The following SCAI variants were observed in gnomAD, a reference collection of about 807,000 sequenced individuals.
SCAI encodes the protein suppressor of cancer cell invasion.
Under a neutral mutation model 92.2 loss-of-function variants are expected in SCAI, and 24 were observed. That is an observed-to-expected ratio of 0.26 (90% CI 0.19 to 0.37). SCAI has a LOEUF of 0.37. Among genes scored for constraint, SCAI ranks in the 10% least tolerant of loss-of-function variants. The pLI is 1.00. For missense variants in SCAI, 450 were observed against 736.2 expected (o/e 0.61, Z 4.50); for synonymous variants, 261 against 258.6 (o/e 1.01, Z -0.09).
In SCAI at chr9:125,056,037, G is replaced by A. The variant is rs761931640; in HGVS notation, c.99-30C>T. ...AAGAAAACATATGTTCATTCATGCA[G>A]GAGGTAAAAATAAAAATAGAAAAAA... is the stretch of plus-strand genomic sequence containing the variant. On this transcript the variant is annotated intron_variant, in intron 2 of 17. Coordinates refer to ENST00000336505, the MANE Select transcript of SCAI (RefSeq NM_001144877.3). 4.5e-6 allele frequency: 7 copies of A among 1,541,626 alleles called. No individual in the cohort carries two copies. The Admixed American group carries it at 1.3e-4, about 28-fold the overall frequency.
At chr9:124,971,494 G>A (rs768416623) in intron 16 of SCAI, 24 bp from the exon 17 acceptor site, 2 of 1,543,118 alleles carry the variant, frequency 1.3e-6, no homozygotes, top group South Asian at 1.2e-5. Flanking sequence ...AAAAGTGACA[G>A]TAAAAAGATG....
chr9:125,073,356 G>A (rs1007713793), intron 2 of SCAI, among the ~76,000 whole-genome samples: 3 of 151,478 alleles, frequency 2.0e-5, no homozygotes, highest in Admixed American at 6.6e-5. Flanking sequence ...CACCCGCCTC[G>A]GCCTCCCAAA....
At chr9:125,092,388 G>T (rs1275160921) in intron 2 of SCAI, among the ~76,000 whole-genome samples, 2 of 151,980 alleles carry the variant, frequency 1.3e-5, no homozygotes, top group African/African-American at 4.8e-5. Context: ...AGGAGTCGGA[G>T]GCTACAGTGA....
At chr9:124,985,828 A>C (rs1831978928) in intron 14 of SCAI, among the ~76,000 whole-genome samples, 1 of 150,502 alleles carries the variant, frequency 6.6e-6, no homozygotes, top group Non-Finnish European at 1.5e-5. Flanking sequence ...GCACCATTGC[A>C]CTCCAGCCTG....
chr9:125,080,854 C>T (rs565740474), intron 2 of SCAI, among the ~76,000 whole-genome samples: 1 of 152,196 alleles, frequency 6.6e-6, no homozygotes, highest in African/African-American at 2.4e-5. Flanking sequence ...CTTGAATTCC[C>T]ACGTGTTGTG....
At chr9:125,107,018 A>C (rs980544879) in intron 2 of SCAI, among the ~76,000 whole-genome samples, 8 of 151,846 alleles carry the variant, frequency 5.3e-5, no homozygotes, top group Non-Finnish European at 8.8e-5. Context: ...CCTGGCCTTG[A>C]GTTATTTTTC....
At chr9:125,066,499 A>T (rs919694460) in intron 2 of SCAI, among the ~76,000 whole-genome samples, 6 of 150,030 alleles carry the variant, frequency 4.0e-5, no homozygotes, top group Non-Finnish European at 5.9e-5. Flanking sequence ...TCTATCTCCC[A>T]GGCTGGAGTG....
rs1014647117 is a variant in SCAI, at chr9:125,118,192, C to A, written c.98+24441G>T. 1.8e-4 allele frequency among the ~76,000 whole-genome samples: 27 copies of A among 152,162 alleles called. 1 individual carries two copies. In the South Asian group the frequency reaches 3.7e-3, roughly 21 times the overall value. On this transcript the variant is annotated intron_variant, in intron 2 of 17. Transcript: ENST00000336505. ...GTAAAATATTAATACATTTAAAAGGCTTGTTAAAAAATAAACATAGTGGAG... is the reference window on the plus strand; with the variant it reads ...GTAAAATATTAATACATTTAAAAGGATTGTTAAAAAATAAACATAGTGGAG...
chr9:125,132,020 G>A (rs1835411358), intron 2 of SCAI, among the ~76,000 whole-genome samples: 1 of 152,000 alleles, frequency 6.6e-6, no homozygotes, highest in Non-Finnish European at 1.5e-5. Context: ...AAGCAGTTTG[G>A]TCTATTTTTA....
In SCAI at chr9:125,136,671, G is replaced by A. The variant is rs1016511313; in HGVS notation, c.98+5962C>T. On this transcript the variant is annotated intron_variant, in intron 2 of 17. Transcript: ENST00000336505. ...AGACGGGGTTTCGCTACATTGGCCA[G>A]ACTGGTCTCAAACTCCTGACCTCGT... 9.9e-5 allele frequency among the ~76,000 whole-genome samples: 15 copies of A among 151,736 alleles called. No homozygotes were observed. The East Asian group carries it at 2.1e-3, about 22-fold the overall frequency.
At chr9:124,958,139 G>A (rs1332625382) in intron 17 of SCAI, among the ~76,000 whole-genome samples, 1 of 152,088 alleles carries the variant, frequency 6.6e-6, no homozygotes, top group Non-Finnish European at 1.5e-5. Flanking sequence ...TTGACTGGAA[G>A]GTTCAATATT....
intron 3 of SCAI, among the ~76,000 whole-genome samples, chr9:125,034,877 CT>C (rs1363969619): frequency 6.6e-6 from 1 of 152,160 alleles, no homozygotes; most frequent in African/African-American, 2.4e-5. Flanking sequence ...CAACTCCTGG[CT>C]TTGCTATGTA....
At chr9:124,964,593 A>G (rs925051672) in intron 17 of SCAI, among the ~76,000 whole-genome samples, 4 of 152,202 alleles carry the variant, frequency 2.6e-5, no homozygotes, top group African/African-American at 9.6e-5. Context: ...AATGAACCTT[A>G]AAGGTCCTTA....
chr9:124,978,931 G>A (rs965873527), intron 14 of SCAI, among the ~76,000 whole-genome samples: 1 of 151,880 alleles, frequency 6.6e-6, no homozygotes, highest in Non-Finnish European at 1.5e-5. Context: ...CCACCTCTCA[G>A]CTCACTGTAA....
At chr9:125,065,099 G>A (rs922080652) in intron 2 of SCAI, among the ~76,000 whole-genome samples, 1 of 151,864 alleles carries the variant, frequency 6.6e-6, no homozygotes, top group Non-Finnish European at 1.5e-5. Flanking sequence ...AGAAAATAGA[G>A]GGCAATAAAT....
intron 14 of SCAI, among the ~76,000 whole-genome samples, chr9:124,994,138 G>A (rs544736835): frequency 6.6e-6 from 1 of 151,022 alleles, no homozygotes; most frequent in Middle Eastern, 3.4e-3. Context: ...AGGTTCAAGT[G>A]AGTCTCCCGC....
intron 17 of SCAI, among the ~76,000 whole-genome samples, chr9:124,964,496 T>G (rs148963969): frequency 6.6e-6 from 1 of 152,210 alleles, no homozygotes; most frequent in Admixed American, 6.5e-5. Flanking sequence ...ATGATGGCAT[T>G]TCCAATGGTG....
chr9:124,956,498 C>T (rs1199201906), intron 17 of SCAI, among the ~76,000 whole-genome samples: 6 of 152,158 alleles, frequency 3.9e-5, no homozygotes, highest in Admixed American at 6.5e-5. Flanking sequence ...GGATTACAGG[C>T]GTGAGCCACC....
intron 2 of SCAI, among the ~76,000 whole-genome samples, chr9:125,094,879 A>ATAATAAAGCCCAGTAC (rs1163553451): frequency 6.6e-6 from 1 of 152,240 alleles, no homozygotes; most frequent in East Asian, 1.9e-4. Context: ...TCCAATGTCT[A>ATAATAAAGCCCAGTAC]TAATAAAGCC....
Sources: gnomAD v4.1 joint callset for allele counts (sites outside exome capture counted in the v4.1 genomes callset) on GRCh38, gnomAD v4.1.1 for gene constraint, MANE v1.5 for transcripts, NCBI Gene and HGNC (gene_info 2026-07-23, HGNC 2026-07-21) for gene names.